Variants in TMEM236 observed in about 807,000 individuals in gnomAD.
TMEM236 encodes transmembrane protein 236, also known as family with sequence similarity 23, member A.
In TMEM236, 11 loss-of-function variants were observed where a neutral mutation model predicts 14.7. The observed-to-expected ratio is 0.75, with a 90% confidence interval of 0.47 to 1.24. The LOEUF (loss-of-function observed/expected upper bound fraction) is 1.24. TMEM236 is among the 50% of genes most tolerant of loss of function. The pLI is 0.00. For missense variants in TMEM236, 464 were observed against 427.3 expected (o/e 1.09, Z -0.76); for synonymous variants, 182 against 168.6 (o/e 1.08, Z -0.62).
At chr10:17,760,835 C>A (rs1837351016) in intron 1 of TMEM236, among the ~76,000 whole-genome samples, 1 of 152,152 alleles carries the variant, frequency 6.6e-6, no homozygotes, top group Non-Finnish European at 1.5e-5. Flanking sequence ...GGGCAACTCC[C>A]CTTTATAAAA....
At chr10:17,769,139 C>T (rs1252381318) in intron 1 of TMEM236, among the ~76,000 whole-genome samples, 2 of 152,084 alleles carry the variant, frequency 1.3e-5, no homozygotes, top group East Asian at 1.9e-4. Context: ...ATTTAAAAAA[C>T]GTGAAGACAA....
At chr10:17,757,935 A>G (rs142501113) in intron 1 of TMEM236, among the ~76,000 whole-genome samples, 31,801 of 151,630 alleles carry the variant, frequency 0.21, 3,940 homozygotes, top group East Asian at 0.44. Context: ...CGCCTGGCTA[A>G]TTTTTTTATT....
intron 1 of TMEM236, among the ~76,000 whole-genome samples, chr10:17,765,008 G>A (rs1324156677): frequency 6.6e-6 from 1 of 151,852 alleles, no homozygotes; most frequent in Non-Finnish European, 1.5e-5. Flanking sequence ...TTTTAGTAGA[G>A]ATGGGATTTT....
In TMEM236 at chr10:17,786,658, G is replaced by T. The variant is rs926349777; in HGVS notation, c.473-9263G>T. Among the ~76,000 whole-genome samples the T allele has an allele frequency of 6.9e-3, 1,045 of 152,246 alleles. 10 individuals are homozygous for T. Among genetic ancestry groups the T allele is most frequent in the African/African-American group, 0.024 (986 of 41,528 alleles). ...TAAGTCCTTCTGTTTCTGGATGTGT[G>T]TGCATAGGTGGGGGGACTGGAGGGT... On this transcript the variant is annotated intron_variant, in intron 3 of 3. Transcript: ENST00000377495.
In TMEM236 at chr10:17,798,543, A is replaced by T. The variant is rs1838050737; in HGVS notation, c.*2039A>T. On this transcript the variant is annotated 3_prime_UTR_variant, in exon 4 of 4. Coordinates refer to ENST00000377495, the MANE Select transcript of TMEM236 (RefSeq NM_001098844.3). ...AACAGAGTGACACCCATCTAAAAAAAATAAAAGAGAATTTGACGTTGTGTT... is the reference window on the plus strand; with the variant it reads ...AACAGAGTGACACCCATCTAAAAAATATAAAAGAGAATTTGACGTTGTGTT... 1.3e-5 allele frequency: 7 copies of T among 534,342 alleles called. No individual in the cohort carries two copies. The highest frequency in any genetic ancestry group is 9.7e-5 in the Admixed American group (5 of 51,562). 33.1% of individuals were successfully genotyped at this position (534,342 alleles called of 1,614,324 possible).
chr10:17,788,209 AATAAT>A (rs1209325769), intron 3 of TMEM236, among the ~76,000 whole-genome samples: 1 of 150,830 alleles, frequency 6.6e-6, no homozygotes, highest in Non-Finnish European at 1.5e-5. Context: ...AAGTAACATA[AATAAT>A]ATAATTACTT....
At chr10:17,790,945 C>G (rs940478474) in intron 3 of TMEM236, among the ~76,000 whole-genome samples, 1 of 152,208 alleles carries the variant, frequency 6.6e-6, no homozygotes, top group Admixed American at 6.5e-5. Context: ...CTCTAAGTTG[C>G]TACTTTTGCA....
chr10:17,755,999 G>C (rs2131738905), intron 1 of TMEM236, among the ~76,000 whole-genome samples: 1 of 152,338 alleles, frequency 6.6e-6, no homozygotes, highest in East Asian at 1.9e-4. Context: ...AGGCACAGTG[G>C]CTTACACCTT....
intron 3 of TMEM236, among the ~76,000 whole-genome samples, chr10:17,791,135 A>C (rs1837917762): frequency 6.6e-6 from 1 of 152,098 alleles, no homozygotes; most frequent in Admixed American, 6.6e-5. Context: ...TCTGTGCCTC[A>C]GTTTACTCAT....
chr10:17,799,059 TCTG>T lies in TMEM236; in HGVS notation c.*2559_*2561del, dbSNP rs1461926022. On this transcript the variant is annotated 3_prime_UTR_variant, in exon 4 of 4. Transcript: ENST00000377495. ...GAGTATTGTATTCAAAAGTGATCGA[TCTG>T]CTGAATATATAAATTAAAATGGACA... is the stretch of plus-strand genomic sequence containing the variant. 392 of 200,674 alleles carry T rather than the reference TCTG, an allele frequency of 2.0e-3. No homozygotes were observed. Among genetic ancestry groups the T allele is most frequent in the Non-Finnish European group, 2.9e-3 (282 of 97,210 alleles). The allele number at this position is 200,674 out of a possible 1,614,324, so 12.4% of individuals were successfully genotyped here.
At chr10:17,784,462 A>C (rs1554835586) in intron 3 of TMEM236, among the ~76,000 whole-genome samples, 1 of 152,196 alleles carries the variant, frequency 6.6e-6, no homozygotes, top group Non-Finnish European at 1.5e-5. Context: ...GGGATTAGGC[A>C]TATTTGGATT....
intron 3 of TMEM236, among the ~76,000 whole-genome samples, chr10:17,783,443 C>G (rs894285039): frequency 6.6e-6 from 1 of 152,160 alleles, no homozygotes; most frequent in Non-Finnish European, 1.5e-5. Context: ...ACTATCACAT[C>G]AGCGAGAGGT....
At chr10:17,784,886 CAGAT>C (rs1243747584) in intron 3 of TMEM236, among the ~76,000 whole-genome samples, 4 of 152,164 alleles carry the variant, frequency 2.6e-5, no homozygotes, top group Non-Finnish European at 5.9e-5. Context: ...GATAGGGAGA[CAGAT>C]GGATGAGTAA....
rs1554836402 is a variant in TMEM236, at chr10:17,796,352, G to A, written c.904G>A (p.Val302Ile). The change falls in exon 4 of 4, where the codon GTT becomes ATT. Residue 302 changes from valine (V) to isoleucine (I), a missense_variant. Transcript: ENST00000377495. ...LSVLLQDLPF[V>I]FVRLGLIIAL... is the part of the protein sequence containing the mutation. ...CGTCCTGCTGCAAGATTTACCATTCGTTTTTGTTAGACTTGGTTTAATCAT... is the reference window on the plus strand; with the variant it reads ...CGTCCTGCTGCAAGATTTACCATTCATTTTTGTTAGACTTGGTTTAATCAT... 16 of 1,613,712 alleles carry A rather than the reference G, an allele frequency of 9.9e-6. 1 individual carries two copies. Among genetic ancestry groups the A allele is most frequent in the Middle Eastern group, 1.6e-4 (1 of 6,078 alleles).
chr10:17,796,085 A>G lies in TMEM236; in HGVS notation c.637A>G (p.Met213Val). ...GACACGGAGCCAGGAGTCTGTGTTC[A>G]TGGGACCCCAGGAGCCCTCCTGTGA... The part of the protein sequence containing the change: ...AMTRSQESVF[M>V]GPQEPSCDSG... Residue 213 changes from methionine to valine, a missense_variant, in exon 4 of 4, where the codon ATG becomes GTG. Physicochemically the swap from Met to Val is conservative, Grantham distance 21 (BLOSUM62 1). Coordinates refer to ENST00000377495, the MANE Select transcript of TMEM236 (RefSeq NM_001098844.3). 2 of 1,613,882 alleles carry G rather than the reference A, an allele frequency of 1.2e-6. No homozygotes were observed. The highest frequency in any genetic ancestry group is 1.7e-6 in the Non-Finnish European group (2 of 1,179,858).
Position 17,752,310 on chromosome 10 carries a change from GC to G in TMEM236, c.16del (p.Leu6SerfsTer10), listed in dbSNP as rs1837220833. On this transcript the variant is annotated frameshift_variant, in exon 1 of 4. Coordinates refer to ENST00000377495, the MANE Select transcript of TMEM236 (RefSeq NM_001098844.3). LOFTEE classifies it high-confidence loss of function. ...TTTTCCTCAGGATGGCTTCTGGAAG[GC>G]TCATTAAGTTCGTGGTTTTTGAGCT... is the stretch of plus-strand genomic sequence containing the variant. MASGR[L>X]IKFVVFELLE... 6.2e-7 allele frequency: 1 copy of G among 1,613,752 alleles called. No homozygotes were observed. Among genetic ancestry groups the G allele is most frequent in the South Asian group, 1.1e-5 (1 of 91,070 alleles).
chr10:17,784,875 G>T (rs1187686794), intron 3 of TMEM236, among the ~76,000 whole-genome samples: 2 of 152,240 alleles, frequency 1.3e-5, no homozygotes, highest in African/African-American at 4.8e-5. Context: ...AGTGGGCGAG[G>T]GATAGGGAGA....
chr10:17,776,244 G>A (rs1400939963), intron 3 of TMEM236, 74 bp downstream of exon 3: 3 of 1,392,998 alleles, frequency 2.2e-6, no homozygotes, highest in Non-Finnish European at 3.0e-6. Flanking sequence ...TGTGTTATCT[G>A]ACAACATGTT....
At chr10:17,757,792 G>C (rs1233549901) in intron 1 of TMEM236, among the ~76,000 whole-genome samples, 1 of 151,848 alleles carries the variant, frequency 6.6e-6, no homozygotes, top group Non-Finnish European at 1.5e-5. Context: ...TTTTTGAGAT[G>C]AAGTCTTACT....
Sources: allele counts gnomAD v4.1 joint callset (sites outside exome capture counted in the v4.1 genomes callset), GRCh38; gene constraint gnomAD v4.1.1; transcripts MANE v1.5; gene names NCBI Gene and HGNC (gene_info 2026-07-23, HGNC 2026-07-21).